The following PTPRT variants were observed in gnomAD, a reference collection of about 807,000 sequenced individuals.
The protein encoded by PTPRT is receptor-type tyrosine-protein phosphatase T.
In PTPRT, 56 loss-of-function variants were observed where a neutral mutation model predicts 176.8. The ratio of observed to expected loss-of-function variants is 0.32; its 90% CI spans 0.26 to 0.40. The LOEUF (loss-of-function observed/expected upper bound fraction) is 0.40. PTPRT is among the 10% of genes least tolerant of loss of function. The pLI is 1.00. For synonymous variants in PTPRT, 783 were observed against 739.0 expected, an observed-to-expected ratio of 1.06 and a Z score of -0.96; for missense variants, 1,540 against 1,908.2, an observed-to-expected ratio of 0.81 and a Z score of 3.60.
chr20:42,852,736 C>T (rs958343358), intron 2 of PTPRT, among the ~76,000 whole-genome samples: 11 of 152,188 alleles, frequency 7.2e-5, no homozygotes, highest in Non-Finnish European at 1.5e-4. Context: ...ACCCTCTCAT[C>T]TGACCTATCA....
At chr20:42,312,013 A>G (rs183792997) in intron 12 of PTPRT, among the ~76,000 whole-genome samples, 3,594 of 152,306 alleles carry the variant, frequency 0.024, 80 homozygotes, top group Non-Finnish European at 0.035. Context: ...TTATAGATCC[A>G]GATTAGAACT....
At chr20:42,032,111 C>CT in the PTPRT span, among the ~76,000 whole-genome samples, 1 of 151,830 alleles carries the variant, frequency 6.6e-6, no homozygotes, top group Non-Finnish European at 1.5e-5. Flanking sequence ...GACAGAATGC[C>CT]TTTTTTTAAA....
intron 7 of PTPRT, among the ~76,000 whole-genome samples, chr20:42,517,822 T>C (rs929340370): frequency 2.0e-4 from 31 of 152,032 alleles, no homozygotes; most frequent in African/African-American, 7.5e-4. Flanking sequence ...TTATGTTAAT[T>C]ATAAACAAGG....
At chr20:42,684,999 T>C (rs2075667441) in intron 6 of PTPRT, among the ~76,000 whole-genome samples, 1 of 152,134 alleles carries the variant, frequency 6.6e-6, no homozygotes, top group South Asian at 2.1e-4. Context: ...TATGGGTGGG[T>C]AGATACCCAT....
chr20:43,186,158 G>A (rs565254223), intron 1 of PTPRT, among the ~76,000 whole-genome samples: 25 of 152,294 alleles, frequency 1.6e-4, no homozygotes, highest in East Asian at 3.9e-4. Flanking sequence ...AAAGTCCAGC[G>A]AGACAGCTAT....
At chr20:42,862,301 A>G (rs1429748254) in intron 2 of PTPRT, among the ~76,000 whole-genome samples, 1 of 152,158 alleles carries the variant, frequency 6.6e-6, no homozygotes, top group East Asian at 1.9e-4. Flanking sequence ...ACTCATCTCT[A>G]TAGCTCCCAG....
chr20:42,422,133 C>T (rs762141808), intron 9 of PTPRT, among the ~76,000 whole-genome samples: 2 of 152,198 alleles, frequency 1.3e-5, no homozygotes, highest in Non-Finnish European at 2.9e-5. Context: ...CCATTCAGGA[C>T]ATAGGCATGG....
chr20:42,582,247 A>G (rs2073386475), intron 7 of PTPRT, among the ~76,000 whole-genome samples: 1 of 152,146 alleles, frequency 6.6e-6, no homozygotes, highest in South Asian at 2.1e-4. Context: ...GAGCTCCTGC[A>G]GGCTTGGTGT....
intron 29 of PTPRT, among the ~76,000 whole-genome samples, 177 bp downstream of exon 29, chr20:42,084,504 GC>G (rs1427904474): frequency 6.6e-6 from 1 of 152,220 alleles, no homozygotes; most frequent in Non-Finnish European, 1.5e-5. Flanking sequence ...CAAACTGGCA[GC>G]CCCGTTCCAT....
At chr20:42,726,057 T>TTTTTTATTA (rs1555905826) in intron 6 of PTPRT, among the ~76,000 whole-genome samples, 9 of 142,286 alleles carry the variant, frequency 6.3e-5, no homozygotes, top group Non-Finnish European at 1.4e-4. Flanking sequence ...TGTGGGCATC[T>TTTTTTATTA]TTATTATTAT....
chr20:42,899,822 G>A (rs2079370321), intron 1 of PTPRT, among the ~76,000 whole-genome samples: 1 of 152,196 alleles, frequency 6.6e-6, no homozygotes, highest in Admixed American at 6.5e-5. Flanking sequence ...GCATGGCTTG[G>A]TTATGGCACT....
chr20:42,327,081 GT>G (rs1483006366), intron 11 of PTPRT, among the ~76,000 whole-genome samples: 9 of 33,528 alleles, frequency 2.7e-4, no homozygotes, highest in African/African-American at 1.3e-3. Context: ...CTAGGTAGGG[GT>G]GTGTGTGTGT....
chr20:42,717,392 A>G (rs2076241874), intron 6 of PTPRT, among the ~76,000 whole-genome samples: 1 of 152,144 alleles, frequency 6.6e-6, no homozygotes, highest in Admixed American at 6.5e-5. Flanking sequence ...TAAAGGTTCA[A>G]CTGAAATCAG....
chr20:42,096,197 G>A (rs1240135845), intron 27 of PTPRT, among the ~76,000 whole-genome samples: 1 of 152,120 alleles, frequency 6.6e-6, no homozygotes, highest in Admixed American at 6.5e-5. Flanking sequence ...CTCCTCCCCG[G>A]TCTCCTGGTT....
chr20:42,650,754 G>C lies in PTPRT; in HGVS notation c.1153+27112C>G, dbSNP rs182000500. Among the ~76,000 whole-genome samples, 6 of 152,244 alleles carry C rather than the reference G, an allele frequency of 3.9e-5. No individual in the cohort carries two copies. In the East Asian group the frequency reaches 1.2e-3, roughly 29 times the overall value. On this transcript the variant is annotated intron_variant, in intron 7 of 30. Transcript: ENST00000373187. Reference sequence around the variant, plus strand: ...ACTTATGCAAAGATAAAGTAGAAGAGAAAAAGCAATTTCCTTCCTATATTT... The same window carrying C: ...ACTTATGCAAAGATAAAGTAGAAGACAAAAAGCAATTTCCTTCCTATATTT...
chr20:42,831,587 C>T (rs564347611), intron 2 of PTPRT, among the ~76,000 whole-genome samples: 1 of 152,102 alleles, frequency 6.6e-6, no homozygotes. Flanking sequence ...ACAGAGTAAA[C>T]AGACAACCTA....
At chr20:43,138,572 T>A (rs1380439507) in intron 1 of PTPRT, among the ~76,000 whole-genome samples, 1 of 152,170 alleles carries the variant, frequency 6.6e-6, no homozygotes, top group Non-Finnish European at 1.5e-5. Flanking sequence ...GGCCCCTCCA[T>A]AAGTGAGTCA....
chr20:42,431,257 G>A (rs1240777595), intron 9 of PTPRT, among the ~76,000 whole-genome samples: 1 of 152,134 alleles, frequency 6.6e-6, no homozygotes, highest in Non-Finnish European at 1.5e-5. Flanking sequence ...CCTAGGCAAC[G>A]TTAGATCTAG....
At chr20:42,432,814 C>T (rs1034311191) in intron 9 of PTPRT, among the ~76,000 whole-genome samples, 4 of 152,174 alleles carry the variant, frequency 2.6e-5, no homozygotes, top group African/African-American at 9.7e-5. Context: ...CAGGATATCT[C>T]GTCATTTGGG....
Sources: gnomAD v4.1 joint callset for allele counts (sites outside exome capture counted in the v4.1 genomes callset) on GRCh38, gnomAD v4.1.1 for gene constraint, MANE v1.5 for transcripts, NCBI Gene and HGNC (gene_info 2026-07-23, HGNC 2026-07-21) for gene names.